Variants in POC1B observed in about 807,000 individuals in gnomAD.
POC1B encodes POC1 centriolar protein homolog B.
A neutral mutation model predicts 60.6 loss-of-function variants in POC1B; 44 were observed. That is an observed-to-expected ratio of 0.73 (90% CI 0.57 to 0.93). POC1B has a LOEUF of 0.93. Ranked by LOEUF, POC1B falls within the 40% of genes least tolerant of loss-of-function variation. POC1B has a pLI of 0.00. For missense variants in POC1B, 555 were observed against 572.3 expected (o/e 0.97, Z 0.31); for synonymous variants, 180 against 198.9 (o/e 0.90, Z 0.80).
chr12:89,463,566 T>C (rs1006061535), intron 9 of POC1B, among the ~76,000 whole-genome samples: 4 of 152,142 alleles, frequency 2.6e-5, no homozygotes, highest in Admixed American at 6.5e-5. Context: ...AGGGTCAAGA[T>C]ACCTTGTGTA....
chr12:89,435,903 G>A (rs1881241177), intron 10 of POC1B, among the ~76,000 whole-genome samples: 1 of 151,094 alleles, frequency 6.6e-6, no homozygotes, highest in African/African-American at 2.4e-5. Context: ...GTGTGTGTAT[G>A]AACATACACA....
chr12:89,477,736 C>G (rs1006884482), intron 4 of POC1B, among the ~76,000 whole-genome samples: 2 of 152,150 alleles, frequency 1.3e-5, no homozygotes, highest in South Asian at 4.1e-4. Flanking sequence ...AATCTTAAAT[C>G]AAACTGGGTC....
the POC1B span, among the ~76,000 whole-genome samples, chr12:89,409,189 C>A: frequency 1.3e-5 from 2 of 152,188 alleles, no homozygotes; most frequent in Admixed American, 6.6e-5. Context: ...GTCATGAAGT[C>A]TTTGCCCATG....
chr12:89,470,865 G>A (rs57775641), intron 6 of POC1B, among the ~76,000 whole-genome samples: 9,734 of 152,258 alleles, frequency 0.064, 829 homozygotes, highest in East Asian at 0.42. Context: ...GGAGAAAAGT[G>A]TGGAGACAGT....
Position 89,421,121 on chromosome 12 carries a change from C to A in POC1B, c.*32G>T, listed in dbSNP as rs1468905173. 1.3e-6 allele frequency: 2 copies of A among 1,502,392 alleles called. No homozygotes were observed. The highest frequency in any genetic ancestry group is 1.8e-5 in the Admixed American group (1 of 55,100). The allele number at this position is 1,502,392 out of a possible 1,614,324, so 93.1% of individuals were successfully genotyped here. A position where few individuals can be genotyped will look rare whatever the true frequency, so the allele number is the denominator to read the frequency against. On this transcript the variant is annotated 3_prime_UTR_variant, in exon 12 of 12. Transcript: ENST00000313546. ...ATGTACATTTGTTCATTTATTGGGC[C>A]TCTGCCCAACAAATGAAAATGAATT... is the stretch of plus-strand genomic sequence containing the variant.
rs766882911 is a variant in POC1B at position 89,471,599 on chromosome 12, T to C, written c.676+15A>G. 19 of 1,577,708 alleles carry C rather than the reference T, an allele frequency of 1.2e-5. No homozygotes were observed. The highest frequency in any genetic ancestry group is 1.7e-5 in the Admixed American group (1 of 58,846). ...TCCATTCGGTAACTGAATTTTTTGT[T>C]AGGAAAATTGTTACCTTGGTAATGC... On this transcript the variant is annotated intron_variant, in intron 6 of 11. Transcript: ENST00000313546.
intron 11 of POC1B, among the ~76,000 whole-genome samples, chr12:89,423,906 T>C (rs138929473): frequency 6.6e-6 from 1 of 152,264 alleles, no homozygotes; most frequent in East Asian, 1.9e-4. Flanking sequence ...GAACTCAATG[T>C]TGAAAGGTAA....
intron 11 of POC1B, among the ~76,000 whole-genome samples, chr12:89,422,424 G>C (rs1290485403): frequency 6.6e-6 from 1 of 152,010 alleles, no homozygotes; most frequent in African/African-American, 2.4e-5. Flanking sequence ...TTTCTCTGTT[G>C]ATAAGCTCAG....
chr12:89,468,967 CA>C (rs149654471), intron 7 of POC1B, among the ~76,000 whole-genome samples: 5 of 151,954 alleles, frequency 3.3e-5, no homozygotes, highest in South Asian at 2.1e-4. Flanking sequence ...TTTATATACT[CA>C]AAAAAATTTA....
chr12:89,424,405 T>C (rs182048076), intron 11 of POC1B, among the ~76,000 whole-genome samples: 1 of 152,206 alleles, frequency 6.6e-6, no homozygotes, highest in East Asian at 1.9e-4. Context: ...GCAAAAGCTA[T>C]TTCTATTTGA....
intron 4 of POC1B, among the ~76,000 whole-genome samples, chr12:89,480,890 ACG>A (rs1565743307): frequency 6.8e-6 from 1 of 146,814 alleles, no homozygotes; most frequent in Non-Finnish European, 1.5e-5. Context: ...ATGAGCCACC[ACG>A]CCCAGCCTAA....
chr12:89,416,420 C>T (rs147487046), downstream of POC1B, among the ~76,000 whole-genome samples: 4 of 152,208 alleles, frequency 2.6e-5, no homozygotes, highest in African/African-American at 9.6e-5. Context: ...TTCAGCAGGG[C>T]TGAGGAAAAG....
chr12:89,478,606 A>G (rs1883206666), intron 4 of POC1B, among the ~76,000 whole-genome samples: 1 of 152,226 alleles, frequency 6.6e-6, no homozygotes, highest in African/African-American at 2.4e-5. Flanking sequence ...AACTAACTTA[A>G]TATTATATAT....
intron 2 of POC1B, among the ~76,000 whole-genome samples, chr12:89,515,580 G>A (rs1331486387): frequency 2.0e-5 from 3 of 152,190 alleles, no homozygotes; most frequent in African/African-American, 7.2e-5. Context: ...CAAATAAAGA[G>A]TGAGGTGGTG....
At chr12:89,426,433 A>C (rs906471761) in intron 10 of POC1B, 1 of 152,262 alleles carries the variant, frequency 6.6e-6, no homozygotes, top group Non-Finnish European at 1.5e-5. Context: ...AGAAAAACAG[A>C]AAGTCCTCCA....
chr12:89,510,440 G>T (rs1270599948), intron 2 of POC1B, among the ~76,000 whole-genome samples: 1 of 152,196 alleles, frequency 6.6e-6, no homozygotes, highest in East Asian at 1.9e-4. Flanking sequence ...AGCAGTGAGA[G>T]ATCCCTGGTA....
chr12:89,438,392 G>A lies in POC1B; in HGVS notation c.1114-13013C>T, dbSNP rs893220819. 3.3e-5 allele frequency among the ~76,000 whole-genome samples: 5 copies of A among 152,254 alleles called. No individual in the cohort carries two copies. In the East Asian group the frequency reaches 9.6e-4, roughly 29 times the overall value. Reference sequence around the variant, plus strand: ...GAATGGCGTGAAGCCGGGAGGCGGAGCTTGCAGTGAGCCGTGATAGCGCCA... The same window carrying A: ...GAATGGCGTGAAGCCGGGAGGCGGAACTTGCAGTGAGCCGTGATAGCGCCA... On this transcript the variant is annotated intron_variant, in intron 10 of 11. Coordinates refer to ENST00000313546, the MANE Select transcript of POC1B (RefSeq NM_172240.3).
chr12:89,440,834 G>C (rs1275726591), intron 10 of POC1B, among the ~76,000 whole-genome samples: 2 of 152,240 alleles, frequency 1.3e-5, no homozygotes, highest in Non-Finnish European at 2.9e-5. Flanking sequence ...GCCTCACCCA[G>C]GCGATGGGGT....
intron 2 of POC1B, among the ~76,000 whole-genome samples, chr12:89,514,427 T>TTTTTTTTTTG (rs1870348442): frequency 2.1e-5 from 3 of 144,826 alleles, no homozygotes; most frequent in South Asian, 2.2e-4. Context: ...TTTTTTTTTT[T>TTTTTTTTTTG]AGACGAAGTC....
Sources: gnomAD v4.1 joint callset for allele counts (sites outside exome capture counted in the v4.1 genomes callset) on GRCh38, gnomAD v4.1.1 for gene constraint, MANE v1.5 for transcripts, NCBI Gene and HGNC (gene_info 2026-07-23, HGNC 2026-07-21) for gene names.